Variants in CHD9 observed in about 807,000 individuals in gnomAD.
CHD9 encodes the protein chromodomain helicase DNA binding protein 9.
Under a neutral mutation model 316.1 loss-of-function variants are expected in CHD9, and 77 were observed. The ratio of observed to expected loss-of-function variants is 0.24; its 90% CI spans 0.20 to 0.29. The LOEUF (loss-of-function observed/expected upper bound fraction) is 0.29, where lower values mean the gene tolerates loss of function less well. CHD9 is among the 10% of genes least tolerant of loss of function. CHD9 has a pLI of 1.00. For missense variants in CHD9, 2,763 were observed against 3,438.1 expected (o/e 0.80, Z 4.91); for synonymous variants, 1,129 against 1,158.3 (o/e 0.97, Z 0.51).
chr16:53,263,011 C>T lies in CHD9; in HGVS notation c.4234C>T (p.Arg1412Trp), dbSNP rs749086728. Reference protein sequence around the residue: ...AKASFVASGNRTDISLDDPNF... With the variant: ...AKASFVASGNWTDISLDDPNF... ...GGCGAGTTTTGTGGCATCTGGAAAC[C>T]GGACAGATATTTCTTTAGATGATCC... The change falls in exon 20 of 39, where the codon CGG becomes TGG. Residue 1412 changes from arginine (R) to tryptophan (W), a missense_variant. This residue lies in a region of CHD9 where 199 missense variants were observed against 251.7 expected (regional missense o/e 0.79). Transcript: ENST00000447540. 5 of 1,612,208 alleles carry T rather than the reference C, an allele frequency of 3.1e-6. No homozygotes were observed. The highest frequency in any genetic ancestry group is 3.4e-6 in the Non-Finnish European group (4 of 1,178,930).
chr16:53,179,330 T>A (rs1025581849), intron 2 of CHD9, among the ~76,000 whole-genome samples: 1 of 152,056 alleles, frequency 6.6e-6, no homozygotes, highest in Non-Finnish European at 1.5e-5. Context: ...AATTTTTTTT[T>A]ATCATTTTCA....
At chr16:53,077,606 T>C (rs971251777) in intron 1 of CHD9, among the ~76,000 whole-genome samples, 1 of 152,118 alleles carries the variant, frequency 6.6e-6, no homozygotes, top group Non-Finnish European at 1.5e-5. Flanking sequence ...GGATTACAGG[T>C]ATGAGCCACC....
intron 2 of CHD9, among the ~76,000 whole-genome samples, chr16:53,198,349 T>C (rs1023394640): frequency 1.4e-5 from 2 of 145,350 alleles, no homozygotes; most frequent in Non-Finnish European, 3.0e-5. Context: ...AGACAGAGTC[T>C]CGCTCTATCG....
At chr16:53,095,670 C>T (rs940520013) in intron 1 of CHD9, among the ~76,000 whole-genome samples, 4 of 152,318 alleles carry the variant, frequency 2.6e-5, no homozygotes, top group South Asian at 2.1e-4. Context: ...CATTCAGCTA[C>T]GGTCCACTTG....
chr16:53,319,533 C>A (rs1370512244), intron 37 of CHD9, among the ~76,000 whole-genome samples: 1 of 152,078 alleles, frequency 6.6e-6, no homozygotes, highest in African/African-American at 2.4e-5. Flanking sequence ...AAGGAAAGAA[C>A]AAGGTGACAT....
chr16:53,283,062 T>C (rs2053561323), intron 24 of CHD9, among the ~76,000 whole-genome samples: 1 of 152,108 alleles, frequency 6.6e-6, no homozygotes, highest in Admixed American at 6.6e-5. Flanking sequence ...TAGTTACTCT[T>C]CTCTCCAGGC....
chr16:53,167,958 T>C (rs2042388076), intron 2 of CHD9, among the ~76,000 whole-genome samples: 1 of 152,076 alleles, frequency 6.6e-6, no homozygotes, highest in African/African-American at 2.4e-5. Context: ...CCTAATTACA[T>C]TAAGTGAAAG....
At chr16:53,314,248 T>C in intron 34 of CHD9, 129 bp from the exon 35 acceptor site, 1 of 575,654 alleles carries the variant, frequency 1.7e-6, no homozygotes, top group South Asian at 4.3e-5. Flanking sequence ...ATATTTTTAG[T>C]CCAAAAGTTT....
In CHD9 at chr16:53,314,965, A is replaced by G; in HGVS notation, c.7505A>G (p.Asp2502Gly). The G allele has an allele frequency of 6.2e-7, 1 of 1,613,878 alleles. No individual in the cohort carries two copies. The highest frequency in any genetic ancestry group is 8.5e-7 in the Non-Finnish European group (1 of 1,179,816). The change falls in exon 36 of 39, where the codon GAT (aspartate) becomes GGT (glycine). Residue 2502 changes from aspartate (D) to glycine (G), a missense_variant. Coordinates refer to ENST00000447540, the MANE Select transcript of CHD9 (RefSeq NM_001308319.2). ...GATGGAACGAGACTTGCAGGAGATG[A>G]TGCACCAAAGAGAAAGGATTTGGAA... ...LKDGTRLAGD[D>G]APKRKDLEKW...
At chr16:53,106,237 C>T (rs2037340853) in intron 1 of CHD9, among the ~76,000 whole-genome samples, 1 of 152,180 alleles carries the variant, frequency 6.6e-6, no homozygotes, top group Non-Finnish European at 1.5e-5. Flanking sequence ...ATGGCATATG[C>T]GTTGCCATCA....
At chr16:53,176,854 G>A (rs535876199) in intron 2 of CHD9, among the ~76,000 whole-genome samples, 9 of 152,196 alleles carry the variant, frequency 5.9e-5, no homozygotes, top group African/African-American at 1.2e-4. Context: ...GCCCCATCCT[G>A]GTGCTTTGTG....
At chr16:53,083,179 A>T (rs1197941555) in intron 1 of CHD9, among the ~76,000 whole-genome samples, 1 of 152,204 alleles carries the variant, frequency 6.6e-6, no homozygotes, top group East Asian at 1.9e-4. Context: ...GAGAAACAAC[A>T]CTTCCACCAA....
chr16:53,123,594 T>G (rs1440282017), intron 1 of CHD9, among the ~76,000 whole-genome samples: 3 of 152,098 alleles, frequency 2.0e-5, no homozygotes, highest in Admixed American at 2.0e-4. Flanking sequence ...CTCTGCCTCC[T>G]GGGTTCAAGC....
intron 1 of CHD9, among the ~76,000 whole-genome samples, chr16:53,153,210 C>A (rs559958658): frequency 5.9e-5 from 9 of 152,176 alleles, no homozygotes; most frequent in African/African-American, 1.9e-4. Context: ...TAAACCTAAA[C>A]AGATTCCTCA....
At chr16:53,183,433 A>T (rs1441821249) in intron 2 of CHD9, among the ~76,000 whole-genome samples, 1 of 152,180 alleles carries the variant, frequency 6.6e-6, no homozygotes, top group Non-Finnish European at 1.5e-5. Context: ...AACAGGGAGG[A>T]TGGTTATATC....
chr16:53,286,367 A>G (rs762404302), intron 26 of CHD9, 24 bp downstream of exon 26: 1 of 1,197,556 alleles, frequency 8.4e-7, no homozygotes, highest in Non-Finnish European at 1.2e-6. Flanking sequence ...AGAGTCATGA[A>G]TTTTCTATAT....
chr16:53,215,525 G>A (rs944694752), intron 3 of CHD9, among the ~76,000 whole-genome samples: 13 of 152,150 alleles, frequency 8.5e-5, no homozygotes, highest in Non-Finnish European at 1.5e-4. Flanking sequence ...ATTTCACTGA[G>A]CGTGTGTATG....
At chr16:53,214,433 G>A (rs572278236) in intron 3 of CHD9, among the ~76,000 whole-genome samples, 13 of 152,210 alleles carry the variant, frequency 8.5e-5, no homozygotes, top group Non-Finnish European at 1.5e-4. Context: ...TTGTTTATTG[G>A]TGTATGATAA....
intron 1 of CHD9, among the ~76,000 whole-genome samples, chr16:53,115,701 G>T (rs2038241908): frequency 6.6e-6 from 1 of 152,194 alleles, no homozygotes; most frequent in Non-Finnish European, 1.5e-5. Flanking sequence ...CTGTGTTCTA[G>T]GTGCTGAGAG....
Sources: gnomAD v4.1 joint callset for allele counts (sites outside exome capture counted in the v4.1 genomes callset) on GRCh38, gnomAD v4.1.1 for gene constraint, gnomAD v4.1.1 regional missense constraint, MANE v1.5 for transcripts, NCBI Gene and HGNC (gene_info 2026-07-23, HGNC 2026-07-21) for gene names.